Variants in MGAT5 observed in about 807,000 individuals in gnomAD.
The protein encoded by MGAT5 is alpha-1,6-mannosylglycoprotein 6-beta-N-acetylglucosaminyltransferase.
MGAT5 carries 30 observed loss-of-function variants against 94.3 expected under a neutral mutation model. That is an observed-to-expected ratio of 0.32 (90% confidence interval 0.24 to 0.43). MGAT5 has a LOEUF of 0.43. Among genes scored for constraint, MGAT5 ranks in the 20% least tolerant of loss-of-function variants. The pLI is 1.00. For missense variants in MGAT5, 691 were observed against 905.5 expected (o/e 0.76, Z 3.04); for synonymous variants, 310 against 322.9 (o/e 0.96, Z 0.43).
intron 4 of MGAT5, among the ~76,000 whole-genome samples, chr2:134,332,380 G>A (rs2105960162): frequency 6.6e-6 from 1 of 150,582 alleles, no homozygotes; most frequent in East Asian, 2.0e-4. Flanking sequence ...AAACTGGCTA[G>A]CCATATGTAG....
chr2:134,272,095 G>C (rs370160416), intron 2 of MGAT5, among the ~76,000 whole-genome samples: 1 of 152,298 alleles, frequency 6.6e-6, no homozygotes, highest in East Asian at 1.9e-4. Flanking sequence ...GCCTCTGGCT[G>C]TCCTGTTTGT....
At chr2:134,446,708 T>A (rs1460137820) in intron 15 of MGAT5, among the ~76,000 whole-genome samples, 1 of 152,088 alleles carries the variant, frequency 6.6e-6, no homozygotes, top group African/African-American at 2.4e-5. Context: ...TGGTGGGGTA[T>A]TTAGGGTAGT....
intron 14 of MGAT5, among the ~76,000 whole-genome samples, chr2:134,430,222 A>G (rs111480797): frequency 6.6e-6 from 1 of 152,230 alleles, no homozygotes; most frequent in African/African-American, 2.4e-5. Context: ...GCCTGTCTCC[A>G]CGTCCTCTTA....
At chr2:134,250,165 A>G (rs1257197), upstream of MGAT5, among the ~76,000 whole-genome samples, 120,770 of 152,170 alleles carry the variant, frequency 0.79, 48,217 homozygotes, top group African/African-American at 0.87. Flanking sequence ...ACTCTTTTAG[A>G]AAGTAGGAGG....
At chr2:134,177,697 G>A (rs989357235) in intron 1 of MGAT5, among the ~76,000 whole-genome samples, 12 of 152,210 alleles carry the variant, frequency 7.9e-5, no homozygotes, top group Non-Finnish European at 1.3e-4. Flanking sequence ...ATGCACTGGA[G>A]TAAGAAACAA....
intron 5 of MGAT5, among the ~76,000 whole-genome samples, chr2:134,336,570 G>A (rs1213102232): frequency 2.6e-5 from 4 of 152,056 alleles, no homozygotes; most frequent in African/African-American, 7.2e-5. Context: ...TAAGGCTGAT[G>A]GCAAATAATG....
chr2:134,256,938 G>GTA (rs1205185048), intron 1 of MGAT5, among the ~76,000 whole-genome samples: 2 of 152,150 alleles, frequency 1.3e-5, no homozygotes, highest in African/African-American at 4.8e-5. Context: ...TGTGCTTGAG[G>GTA]TACTGGGGGG....
intron 2 of MGAT5, among the ~76,000 whole-genome samples, chr2:134,306,254 G>A (rs1287744448): frequency 1.3e-5 from 2 of 151,842 alleles, no homozygotes; most frequent in South Asian, 2.1e-4. Flanking sequence ...ACAGAAAATG[G>A]TATTTACATA....
rs112451953 is a variant in MGAT5, at chr2:134,377,343, G to T, written c.1380+14935G>T. Among the ~76,000 whole-genome samples, 3 of 152,304 alleles carry T rather than the reference G, an allele frequency of 2.0e-5. No individual in the cohort carries two copies. The East Asian group carries it at 5.8e-4, about 29-fold the overall frequency. On this transcript the variant is annotated intron_variant, in intron 10 of 15. Coordinates refer to ENST00000281923, the MANE Select transcript of MGAT5 (RefSeq NM_002410.5). ...AGCTGTGGTCTAAGCAGAAAGAAAG[G>T]TGAAGGGGCTGGAGCCTTTTCTCAA...
At chr2:134,194,407 T>G (rs1400812615) in intron 1 of MGAT5, among the ~76,000 whole-genome samples, 1 of 152,170 alleles carries the variant, frequency 6.6e-6, no homozygotes, top group Non-Finnish European at 1.5e-5. Flanking sequence ...CTGTTACAGT[T>G]TTCCACATGT....
At chr2:134,205,268 C>T (rs1234022331) in intron 1 of MGAT5, among the ~76,000 whole-genome samples, 3 of 152,152 alleles carry the variant, frequency 2.0e-5, no homozygotes, top group African/African-American at 7.2e-5. Context: ...AGAAAGATGG[C>T]TTTTAGCCCT....
chr2:134,400,798 A>G (rs967206254), intron 10 of MGAT5, among the ~76,000 whole-genome samples: 3 of 152,074 alleles, frequency 2.0e-5, no homozygotes, highest in Non-Finnish European at 2.9e-5. Flanking sequence ...GCCTGTCCCC[A>G]CCTGCACCGC....
intron 1 of MGAT5, among the ~76,000 whole-genome samples, chr2:134,247,176 A>C (rs990408536): frequency 4.6e-5 from 7 of 152,126 alleles, no homozygotes. Flanking sequence ...CTGAAAAGAG[A>C]AGTAGTAGAA....
At chr2:134,246,289 T>C (rs1341616077) in intron 1 of MGAT5, among the ~76,000 whole-genome samples, 1 of 151,790 alleles carries the variant, frequency 6.6e-6, no homozygotes, top group Non-Finnish European at 1.5e-5. Flanking sequence ...TAGAAGAGAG[T>C]TGGTGGCATC....
At chr2:134,229,508 A>G (rs1199623631) in intron 1 of MGAT5, among the ~76,000 whole-genome samples, 5 of 152,210 alleles carry the variant, frequency 3.3e-5, no homozygotes, top group African/African-American at 1.2e-4. Flanking sequence ...TATATTTGTA[A>G]AAGTCATAGT....
intron 15 of MGAT5, among the ~76,000 whole-genome samples, chr2:134,443,564 G>A (rs1356781513): frequency 6.6e-6 from 1 of 152,174 alleles, no homozygotes; most frequent in East Asian, 1.9e-4. Flanking sequence ...ATTCCACCAT[G>A]AAAACAAAAG....
At chr2:134,263,656 T>A (rs1683477293) in intron 1 of MGAT5, among the ~76,000 whole-genome samples, 1 of 152,236 alleles carries the variant, frequency 6.6e-6, no homozygotes, top group African/African-American at 2.4e-5. Context: ...TAAGGGTCAC[T>A]AAGATGTTTC....
rs142524975 is a variant in MGAT5 at position 134,452,449 on chromosome 2, G to T, written c.*3602G>T. On this transcript the variant is annotated 3_prime_UTR_variant, in exon 16 of 16. Transcript: ENST00000281923. ...TGCACCCCTTTTTTGTTTCTTTAGT[G>T]AATGCAAGATTTAATAAAAGTGAAT... 1 of 152,344 alleles carries T rather than the reference G, an allele frequency of 6.6e-6. No individual in the cohort carries two copies. The highest frequency in any genetic ancestry group is 2.4e-5 in the African/African-American group (1 of 41,572). 9.4% of individuals were successfully genotyped at this position (152,344 alleles called of 1,614,324 possible).
rs1446189473 is a variant in MGAT5, at chr2:134,268,783, G to A, written c.242-1603G>A. The stretch of plus-strand genomic sequence containing the variant: ...TTGACAACCTCAAAGCTGAAGTGTT[G>A]TTCATGTCCCTCTTTTACAGGTAAG... On this transcript the variant is annotated intron_variant, in intron 1 of 15. Transcript: ENST00000281923. This position sits in a 1 kb window ranked among gnomAD's most constrained non-coding sequence, Gnocchi z 4.1. 6.6e-6 allele frequency among the ~76,000 whole-genome samples: 1 copy of A among 152,170 alleles called. No individual in the cohort carries two copies. Among genetic ancestry groups the A allele is most frequent in the Non-Finnish European group, 1.5e-5 (1 of 68,022 alleles).
Sources: allele counts gnomAD v4.1 joint callset (sites outside exome capture counted in the v4.1 genomes callset), GRCh38; gene constraint gnomAD v4.1.1; non-coding constraint Gnocchi (gnomAD v3.1); transcripts MANE v1.5; gene names NCBI Gene and HGNC (gene_info 2026-07-23, HGNC 2026-07-21).